The following TTLL11 variants were observed in gnomAD, a reference collection of about 807,000 sequenced individuals.
TTLL11 encodes tubulin tyrosine ligase like 11.
Under a neutral mutation model 51.7 loss-of-function variants are expected in TTLL11, and 42 were observed. That is an observed-to-expected ratio of 0.81 (90% CI 0.64 to 1.05). The LOEUF is 1.05. Among genes scored for constraint, TTLL11 ranks in the 50% least tolerant of loss-of-function variants. TTLL11 has a pLI of 0.00. For synonymous variants in TTLL11, 381 were observed against 383.5 expected (o/e 0.99, Z 0.08); for missense variants, 799 against 940.4 (o/e 0.85, Z 1.97).
chr9:121,872,773 A>T (rs1015165714), intron 6 of TTLL11, among the ~76,000 whole-genome samples: 1 of 152,156 alleles, frequency 6.6e-6, no homozygotes, highest in Non-Finnish European at 1.5e-5. Context: ...TGAGGGAAAA[A>T]TCTCTTTTCA....
At chr9:121,894,398 A>G (rs1364720504) in intron 6 of TTLL11, among the ~76,000 whole-genome samples, 1 of 152,248 alleles carries the variant, frequency 6.6e-6, no homozygotes, top group Admixed American at 6.5e-5. Flanking sequence ...TACTGGGTAT[A>G]TACCCGAAGG....
chr9:121,913,413 C>T (rs1439075291), intron 6 of TTLL11, among the ~76,000 whole-genome samples: 1 of 152,210 alleles, frequency 6.6e-6, no homozygotes, highest in East Asian at 1.9e-4. Context: ...GTCTTCTCTG[C>T]CACTCTGTCA....
chr9:122,027,975 G>A (rs1038484207), intron 3 of TTLL11, among the ~76,000 whole-genome samples: 14 of 152,126 alleles, frequency 9.2e-5, no homozygotes, highest in Non-Finnish European at 2.1e-4. Context: ...AACAGATGAC[G>A]ATAGCACAAA....
chr9:122,074,595 C>A (rs1027842855), intron 1 of TTLL11, among the ~76,000 whole-genome samples: 3 of 151,934 alleles, frequency 2.0e-5, no homozygotes, highest in Non-Finnish European at 4.4e-5. Flanking sequence ...TCCCCTTTGA[C>A]AAATTCAATA....
rs1157724895 is a variant in TTLL11 at position 122,093,124 on chromosome 9, C to T, written c.25G>A (p.Glu9Lys). The T allele has an allele frequency of 1.3e-6, 2 of 1,493,996 alleles. No homozygotes were observed. Among genetic ancestry groups the T allele is most frequent in the African/African-American group, 1.5e-5 (1 of 68,698 alleles). The allele number at this position is 1,493,996 out of a possible 1,614,324, so 92.5% of individuals were successfully genotyped here. A position where few individuals can be genotyped will look rare whatever the true frequency, so the allele number is the denominator to read the frequency against. The part of the protein sequence containing the change: MRRGSSES[E>K]LAARWEAEAV... ...TCCGCCTCCCACCGGGCCGCCAGCTCGCTCTCGGAGCTGCCCCGCCGCATG... is the reference window on the plus strand; with the variant it reads ...TCCGCCTCCCACCGGGCCGCCAGCTTGCTCTCGGAGCTGCCCCGCCGCATG... The change falls in exon 1 of 9, where the codon GAG becomes AAG. Residue 9 changes from glutamate (E) to lysine (K), a missense_variant. By Grantham distance (56) the Glu-to-Lys change is moderately conservative. Transcript: ENST00000321582.
chr9:121,933,275 C>T (rs905459264), intron 6 of TTLL11, among the ~76,000 whole-genome samples: 17 of 152,130 alleles, frequency 1.1e-4, no homozygotes, highest in African/African-American at 4.1e-4. Flanking sequence ...AAAGAGAACG[C>T]TCTCCCGGGC....
At chr9:121,973,370 C>T (rs1842621700) in intron 6 of TTLL11, among the ~76,000 whole-genome samples, 1 of 152,200 alleles carries the variant, frequency 6.6e-6, no homozygotes, top group Non-Finnish European at 1.5e-5. Flanking sequence ...GTCCTAGTTA[C>T]CTATGGCCCT....
intron 8 of TTLL11, among the ~76,000 whole-genome samples, chr9:121,836,017 G>A (rs1837169903): frequency 6.6e-6 from 1 of 152,220 alleles, no homozygotes; most frequent in African/African-American, 2.4e-5. Flanking sequence ...AATGACAAGA[G>A]GGATTACTAA....
intron 2 of TTLL11, among the ~76,000 whole-genome samples, chr9:122,034,188 C>T (rs1238697140): frequency 6.6e-6 from 1 of 152,190 alleles, no homozygotes; most frequent in African/African-American, 2.4e-5. Context: ...TGTTCTCTTC[C>T]GAAATCCCTC....
chr9:122,035,121 A>G (rs1448770390), intron 2 of TTLL11, among the ~76,000 whole-genome samples: 6 of 151,948 alleles, frequency 3.9e-5, no homozygotes, highest in Non-Finnish European at 5.9e-5. Flanking sequence ...TGTTCTCTCC[A>G]ATGCCCCTCC....
chr9:122,019,993 T>TCCC (rs762997796), intron 3 of TTLL11, among the ~76,000 whole-genome samples: 5 of 152,174 alleles, frequency 3.3e-5, no homozygotes, highest in African/African-American at 1.2e-4. Flanking sequence ...TTGTGAGGCA[T>TCCC]CCCCAGCCAT....
At chr9:121,827,417 A>AAGTC (rs1836846331) in intron 8 of TTLL11, among the ~76,000 whole-genome samples, 1 of 152,134 alleles carries the variant, frequency 6.6e-6, no homozygotes, top group African/African-American at 2.4e-5. Context: ...TGAGGCCCCC[A>AAGTC]AGTCACACTC....
intron 6 of TTLL11, among the ~76,000 whole-genome samples, chr9:121,900,119 G>A (rs1046100037): frequency 3.9e-5 from 6 of 152,212 alleles, no homozygotes; most frequent in African/African-American, 1.4e-4. Context: ...ACACAAGGGT[G>A]TCTCCTAATA....
chr9:121,979,609 C>A (rs1842786207), intron 4 of TTLL11, among the ~76,000 whole-genome samples: 1 of 152,174 alleles, frequency 6.6e-6, no homozygotes, highest in Non-Finnish European at 1.5e-5. Context: ...CCTGGCCCAT[C>A]CCCTCTGCTT....
At chr9:121,971,981 G>T (rs946313370) in intron 6 of TTLL11, among the ~76,000 whole-genome samples, 1 of 151,996 alleles carries the variant, frequency 6.6e-6, no homozygotes, top group African/African-American at 2.4e-5. Flanking sequence ...GGGGCCTGTC[G>T]GTGGGTGGGG....
chr9:121,914,126 T>C (rs1017399728), intron 6 of TTLL11, among the ~76,000 whole-genome samples: 2 of 152,160 alleles, frequency 1.3e-5, no homozygotes, highest in Non-Finnish European at 2.9e-5. Flanking sequence ...CTATCCCCCA[T>C]AGTATATGAA....
chr9:121,979,243 G>A (rs1417488704), intron 4 of TTLL11, among the ~76,000 whole-genome samples: 1 of 152,148 alleles, frequency 6.6e-6, no homozygotes, highest in African/African-American at 2.4e-5. Context: ...CAACAGCCAT[G>A]GGAGTGGGCT....
chr9:121,997,247 C>T (rs373959695), intron 3 of TTLL11, among the ~76,000 whole-genome samples: 43 of 135,706 alleles, frequency 3.2e-4, no homozygotes, highest in Admixed American at 1.1e-3. Flanking sequence ...GAAGGGCCGT[C>T]GTACCGTGAG....
intron 3 of TTLL11, among the ~76,000 whole-genome samples, chr9:122,026,437 C>CAA (rs59569615): frequency 1.2e-4 from 9 of 74,640 alleles, no homozygotes; most frequent in South Asian, 5.0e-4. Context: ...GACTCCATTT[C>CAA]AAAAAAAAAA....
Sources: allele counts gnomAD v4.1 joint callset (sites outside exome capture counted in the v4.1 genomes callset), GRCh38; gene constraint gnomAD v4.1.1; transcripts MANE v1.5; gene names NCBI Gene and HGNC (gene_info 2026-07-23, HGNC 2026-07-21).